PDE11A: variants seen among roughly 807,000 people sequenced by gnomAD.
The protein encoded by PDE11A is dual 3',5'-cyclic-AMP and -GMP phosphodiesterase 11A.
In PDE11A, 100 loss-of-function variants were observed where a neutral mutation model predicts 100.5. The observed-to-expected ratio is 1.00, with a 90% CI of 0.85 to 1.18. PDE11A has a LOEUF of 1.18. Ranked by LOEUF, PDE11A falls within the 50% of genes most tolerant of loss-of-function variation. The probability of loss-of-function intolerance (pLI) is 0.00; values close to 1 mark genes in which losing one functional copy is unlikely to be tolerated. For synonymous variants in PDE11A, 381 were observed against 420.8 expected (o/e 0.91, Z 1.16); for missense variants, 1,141 against 1,152.6 (o/e 0.99, Z 0.15).
rs1238846918 is a variant in PDE11A, at chr2:177,643,873, T to C, written c.2647-14311A>G. 3.9e-5 allele frequency among the ~76,000 whole-genome samples: 6 copies of C among 152,236 alleles called. No homozygotes were observed. The East Asian group carries it at 5.8e-4, about 15-fold the overall frequency. ...TGGCTAAAAGGGGCCAAGGTACAGCTTGGACAGTGGCTTCAGAGGGTGCAA... is the reference window on the plus strand; with the variant it reads ...TGGCTAAAAGGGGCCAAGGTACAGCCTGGACAGTGGCTTCAGAGGGTGCAA... On this transcript the variant is annotated intron_variant, in intron 19 of 19. Coordinates refer to ENST00000286063, the MANE Select transcript of PDE11A (RefSeq NM_016953.4).
At chr2:177,847,198 G>A (rs2083615313) in intron 5 of PDE11A, among the ~76,000 whole-genome samples, 1 of 152,092 alleles carries the variant, frequency 6.6e-6, no homozygotes, top group Admixed American at 6.6e-5. Context: ...TTCTCTCCAT[G>A]GGGTCTGAGT....
At chr2:177,747,874 C>T (rs1447332810) in intron 10 of PDE11A, among the ~76,000 whole-genome samples, 2 of 152,040 alleles carry the variant, frequency 1.3e-5, no homozygotes, top group Non-Finnish European at 2.9e-5. Context: ...CCGATCCCTG[C>T]TTGTCTAATG....
intron 15 of PDE11A, among the ~76,000 whole-genome samples, chr2:177,689,762 C>T (rs998858476): frequency 3.3e-5 from 5 of 152,116 alleles, no homozygotes; most frequent in East Asian, 1.9e-4. Context: ...CAAATAAAAC[C>T]GGCAAAATGC....
intron 6 of PDE11A, among the ~76,000 whole-genome samples, chr2:177,825,632 A>G (rs114053675): frequency 1.8e-3 from 270 of 152,322 alleles, no homozygotes; most frequent in Non-Finnish European, 2.9e-3. Flanking sequence ...AGGATGTCTA[A>G]CGAATAAATT....
chr2:178,010,433 T>C (rs1006113016), intron 2 of PDE11A, among the ~76,000 whole-genome samples: 1 of 152,196 alleles, frequency 6.6e-6, no homozygotes, highest in Non-Finnish European at 1.5e-5. Flanking sequence ...GGCAGAGCTC[T>C]GAGAAATTAG....
intron 15 of PDE11A, among the ~76,000 whole-genome samples, chr2:177,685,399 A>C (rs918711324): frequency 6.6e-6 from 1 of 152,102 alleles, no homozygotes; most frequent in African/African-American, 2.4e-5. Flanking sequence ...TAAGAACACC[A>C]TTTCCATCCA....
intron 2 of PDE11A, among the ~76,000 whole-genome samples, chr2:177,972,805 C>T (rs921290348): frequency 8.5e-5 from 13 of 152,168 alleles, no homozygotes; most frequent in Middle Eastern, 3.2e-3. Flanking sequence ...ACGCCCTTCT[C>T]TGTAACCAAT....
intron 1 of PDE11A, among the ~76,000 whole-genome samples, chr2:178,036,428 T>C (rs761647732): frequency 1.3e-5 from 2 of 152,176 alleles, no homozygotes; most frequent in Admixed American, 6.5e-5. Flanking sequence ...AATCAGATCA[T>C]GAAAATGGTC....
At chr2:177,769,267 G>C (rs1010543378) in intron 10 of PDE11A, 56 bp downstream of exon 10, 7 of 971,762 alleles carry the variant, frequency 7.2e-6, no homozygotes, top group South Asian at 3.8e-5. Context: ...CAGAGCTCAG[G>C]AGGCCAGGAG....
chr2:178,024,303 T>A (rs1269922085), intron 1 of PDE11A, among the ~76,000 whole-genome samples: 1 of 152,054 alleles, frequency 6.6e-6, no homozygotes, highest in Non-Finnish European at 1.5e-5. Context: ...TCCCAGCTAC[T>A]CGGGAGGCCG....
At chr2:178,049,510 A>C (rs1335299428) in intron 1 of PDE11A, among the ~76,000 whole-genome samples, 1 of 152,156 alleles carries the variant, frequency 6.6e-6, no homozygotes, top group East Asian at 1.9e-4. Context: ...GGTGCAGGAC[A>C]GTGGGTGCAG....
At chr2:178,087,569 G>A (rs1356989506) in intron 2 of PDE11A, among the ~76,000 whole-genome samples, 2 of 152,128 alleles carry the variant, frequency 1.3e-5, no homozygotes, top group East Asian at 1.9e-4. Context: ...ACAGACAAAG[G>A]AGACTTGGAA....
rs749055445 is a variant in PDE11A, at chr2:177,711,908, A to G, written c.2044-30T>C. 6.2e-6 allele frequency: 7 copies of G among 1,136,764 alleles called. No homozygotes were observed. The East Asian group carries it at 1.6e-4, about 27-fold the overall frequency. 70.4% of individuals were successfully genotyped at this position (1,136,764 alleles called of 1,614,324 possible). ...GAAGAAGGGGAAAATGGCAACAGTC[A>G]CTACTGGGGTACGGAGGATGGATAA... On this transcript the variant is annotated intron_variant, in intron 12 of 19. Coordinates refer to ENST00000286063, the MANE Select transcript of PDE11A (RefSeq NM_016953.4).
chr2:177,957,067 AAAAAG>A (rs1190679777), intron 2 of PDE11A, among the ~76,000 whole-genome samples: 1 of 152,038 alleles, frequency 6.6e-6, no homozygotes, highest in African/African-American at 2.4e-5. Flanking sequence ...TAAAATAAAA[AAAAAG>A]AAAAGAGCAA....
At chr2:177,694,143 A>G (rs574658857) in intron 15 of PDE11A, among the ~76,000 whole-genome samples, 2 of 152,252 alleles carry the variant, frequency 1.3e-5, no homozygotes, top group African/African-American at 2.4e-5. Context: ...GGGCTGCAGC[A>G]TTAAGATAAG....
In PDE11A at chr2:177,788,208, C is replaced by T. The variant is rs370030607; in HGVS notation, c.1738-18835G>A. Reference sequence around the variant, plus strand: ...ACTGTCTCTCAGACCACAGTGCAATCAAACTAGAACTCAGGATTAAGAAAC... The same window carrying T: ...ACTGTCTCTCAGACCACAGTGCAATTAAACTAGAACTCAGGATTAAGAAAC... On this transcript the variant is annotated intron_variant, in intron 9 of 19. Coordinates refer to ENST00000286063, the MANE Select transcript of PDE11A (RefSeq NM_016953.4). Among the ~76,000 whole-genome samples, 495 of 151,696 alleles carry T rather than the reference C, an allele frequency of 3.3e-3. 5 individuals are homozygous for T. The East Asian group carries it at 0.046, about 14-fold the overall frequency.
intron 4 of PDE11A, among the ~76,000 whole-genome samples, chr2:177,876,651 T>TTA (rs1443216927): frequency 1.3e-5 from 2 of 148,430 alleles, no homozygotes; most frequent in Admixed American, 1.3e-4. Context: ...GTAGAGAATT[T>TTA]TATACTCAGT....
chr2:177,664,038 T>G, intron 18 of PDE11A, 89 bp from the exon 19 acceptor site: 1 of 792,896 alleles, frequency 1.3e-6, no homozygotes, highest in Non-Finnish European at 2.2e-6. Context: ...AATGATCCAT[T>G]TTTTTTACAA....
intron 2 of PDE11A, among the ~76,000 whole-genome samples, chr2:178,097,138 G>T (rs567475000): frequency 6.6e-6 from 1 of 152,214 alleles, no homozygotes; most frequent in East Asian, 1.9e-4. Context: ...CACCTGCCTT[G>T]GCCTCCCAAA....
Sources: allele counts gnomAD v4.1 joint callset (sites outside exome capture counted in the v4.1 genomes callset), GRCh38; gene constraint gnomAD v4.1.1; transcripts MANE v1.5; gene names NCBI Gene and HGNC (gene_info 2026-07-23, HGNC 2026-07-21).